TRIM65: variants seen among roughly 807,000 people sequenced by gnomAD.
TRIM65 encodes the protein E3 ubiquitin-protein ligase TRIM65.
Under a neutral mutation model 36.1 loss-of-function variants are expected in TRIM65, and 46 were observed. The ratio of observed to expected loss-of-function variants is 1.27; its 90% confidence interval spans 1.01 to 1.63. The LOEUF is 1.63. Among genes scored for constraint, TRIM65 ranks in the 40% most tolerant of loss-of-function variants. The pLI, the probability that TRIM65 is intolerant of heterozygous loss-of-function variation, is 0.00. For missense variants in TRIM65, 708 were observed against 696.6 expected, an observed-to-expected ratio of 1.02 and a Z score of -0.18; for synonymous variants, 346 against 313.6, an observed-to-expected ratio of 1.10 and a Z score of -1.09.
chr17:75,880,868 C>T lies in TRIM65; in HGVS notation c.350-239G>A, dbSNP rs543651343. The stretch of plus-strand genomic sequence containing the variant: ...TCTAGGCTTGGGGGGTGGGAAAATA[C>T]CCTCAGGTCCCCTGAGACCAGACTA... On this transcript the variant is annotated intron_variant, in intron 4 of 4. Transcript: ENST00000591668. 3.1e-4 allele frequency among the ~76,000 whole-genome samples: 46 copies of T among 150,528 alleles called. 3 individuals are homozygous for T. The highest frequency in any genetic ancestry group is 1.2e-3 in the African/African-American group (46 of 39,954).
chr17:75,886,122 C>T (rs767157093), downstream of TRIM65, among the ~76,000 whole-genome samples: 2 of 152,202 alleles, frequency 1.3e-5, no homozygotes, highest in East Asian at 1.9e-4. Context: ...CGCCTGCACA[C>T]GCTTTCCTTG....
chr17:75,887,391 G>T (rs535344489), downstream of TRIM65, among the ~76,000 whole-genome samples: 12 of 152,070 alleles, frequency 7.9e-5, no homozygotes, highest in South Asian at 2.5e-3. Flanking sequence ...GGCTGAGGCA[G>T]GAGAATCACT....
At chr17:75,896,449 G>C in intron 1 of TRIM65, 75 bp downstream of exon 1, 1 of 1,265,184 alleles carries the variant, frequency 7.9e-7, no homozygotes, top group East Asian at 3.3e-5. Flanking sequence ...AGCAGGGCGC[G>C]GCCCGCAGGA....
At position 75,895,455 on chromosome 17, in the gene TRIM65, C is replaced by A. The variant is rs1355117427; in HGVS notation, c.414+1069G>T. On this transcript the variant is annotated intron_variant, in intron 1 of 5. Coordinates refer to ENST00000269383, the MANE Select transcript of TRIM65 (RefSeq NM_173547.4). The stretch of plus-strand genomic sequence containing the variant: ...GAGCCAGACTCCCCCAGGACCCTGC[C>A]CGATCCTGCCCCTGCTGACCCCCAG... 2.0e-5 allele frequency among the ~76,000 whole-genome samples: 3 copies of A among 152,270 alleles called. 1 individual carries two copies. In the South Asian group the frequency reaches 6.2e-4, roughly 32 times the overall value.
intron 5 of TRIM65, 146 bp downstream of exon 5, chr17:75,891,667 G>A: frequency 9.2e-7 from 1 of 1,088,458 alleles, no homozygotes; most frequent in Admixed American, 2.3e-5. Flanking sequence ...ACCAGGCTCA[G>A]ATGTCCCGGC....
chr17:75,883,558 C>T (rs934046000), intron 4 of TRIM65, among the ~76,000 whole-genome samples: 4 of 107,638 alleles, frequency 3.7e-5, no homozygotes, highest in African/African-American at 7.4e-5. Context: ...GACGGAGTCT[C>T]GCTCTGTCGC....
intron 1 of TRIM65, 38 bp downstream of exon 1, chr17:75,896,486 C>T: frequency 1.5e-6 from 2 of 1,291,774 alleles, no homozygotes; most frequent in Non-Finnish European, 2.0e-6. Flanking sequence ...CAGGCTGCGG[C>T]GGGTCCGGAC....
downstream of TRIM65, among the ~76,000 whole-genome samples, chr17:75,887,567 A>G (rs986434237): frequency 2.6e-5 from 4 of 151,500 alleles, no homozygotes; most frequent in Non-Finnish European, 5.9e-5. Context: ...GAATGGCATG[A>G]ACCCAGGAGG....
At position 75,890,768 on chromosome 17, in the gene TRIM65, C is replaced by T. The variant is rs908672591; in HGVS notation, c.*11G>A. On this transcript the variant is annotated 3_prime_UTR_variant, in exon 6 of 6. Transcript: ENST00000269383. ...GTGGCAGCTATGCCAGGGCTCCATC[C>T]CATGCCTTCTTCAGCTGAGCACCTC... 2 of 1,457,420 alleles carry T rather than the reference C, an allele frequency of 1.4e-6. No individual in the cohort carries two copies. Among genetic ancestry groups the T allele is most frequent in the East Asian group, 2.5e-5 (1 of 39,780 alleles). 90.3% of individuals were successfully genotyped at this position (1,457,420 alleles called of 1,614,324 possible). A position where few individuals can be genotyped will look rare whatever the true frequency, so the allele number is the denominator to read the frequency against.
chr17:75,894,730 CATGTTAGCCAGG>C (rs1224028101), intron 1 of TRIM65, among the ~76,000 whole-genome samples: 1 of 152,232 alleles, frequency 6.6e-6, no homozygotes, highest in East Asian at 1.9e-4. Flanking sequence ...AGGGTTTCAC[CATGTTAGCCAGG>C]ATGGTCTCAA....
intron 1 of TRIM65, among the ~76,000 whole-genome samples, 170 bp from the exon 2 acceptor site, chr17:75,893,020 G>A (rs953375539): frequency 1.4e-4 from 22 of 152,208 alleles, no homozygotes; most frequent in Admixed American, 2.0e-4. Context: ...AGTTGGGGCC[G>A]TGCCCCGGGG....
rs756165761 is a variant in TRIM65, at chr17:75,891,082, G to A, written c.1251C>T (p.Gly417=). 2.2e-5 allele frequency: 36 copies of A among 1,611,038 alleles called. No individual in the cohort carries two copies. The highest frequency in any genetic ancestry group is 3.0e-5 in the Non-Finnish European group (35 of 1,179,852). The change falls in exon 6 of 6, where the codon GGC becomes GGT. Residue 417 remains glycine (G), a synonymous_variant. Coordinates refer to ENST00000269383, the MANE Select transcript of TRIM65 (RefSeq NM_173547.4). ...AGAGCCCCCAGGAGCAGGGTCCCCG[G>A]CCAATGTTGTCTGTGTGGGGCCCCA... ...CRLGPHTDNI[G]RGPCSWGLCV...
Position 75,892,114 on chromosome 17 carries a change from C to A in TRIM65, c.816G>T (p.Gln272His), listed in dbSNP as rs369039840. 78 of 1,560,670 alleles carry A rather than the reference C, an allele frequency of 5.0e-5. No individual in the cohort carries two copies. The Middle Eastern group carries it at 6.7e-4, about 13-fold the overall frequency. Residue 272 changes from glutamine (Q) to histidine (H), a missense_variant, in exon 4 of 6, where the codon CAG (glutamine) becomes CAT (histidine). Gln to His is a conservative substitution (Grantham distance 24). Transcript: ENST00000269383. The part of the protein sequence containing the change: ...LTPLQWDEDQ[Q>H]LGDLKQLLSR... ...TTAGCAACTGCTTCAGGTCACCCAG[C>A]TGTTGGTCTTCATCCCACTGCAGAG... is the stretch of plus-strand genomic sequence containing the variant.
intron 1 of TRIM65, among the ~76,000 whole-genome samples, chr17:75,896,280 C>A (rs931868572): frequency 6.6e-6 from 1 of 152,232 alleles, no homozygotes; most frequent in Admixed American, 6.5e-5. Context: ...TGGTCTCGAT[C>A]TCCTGACCTC....
Position 75,892,294 on chromosome 17 carries a change from C to T in TRIM65, c.717G>A (p.Glu239=). 1 of 1,612,504 alleles carries T rather than the reference C, an allele frequency of 6.2e-7. No homozygotes were observed. Among genetic ancestry groups the T allele is most frequent in the Non-Finnish European group, 8.5e-7 (1 of 1,179,750 alleles). ...RHGCRIRELL[E]QVDEQTFLQE... ...GCAGGAAGGTCTGCTCATCCACCTGCTCCAGGAGCTCCCGGATCCTGCAGC... is the reference window on the plus strand; with the variant it reads ...GCAGGAAGGTCTGCTCATCCACCTGTTCCAGGAGCTCCCGGATCCTGCAGC... Residue 239 remains glutamate (E), a synonymous_variant, in exon 3 of 6, where the codon GAG becomes GAA. Coordinates refer to ENST00000269383, the MANE Select transcript of TRIM65 (RefSeq NM_173547.4).
chr17:75,891,071 C>A lies in TRIM65; in HGVS notation c.1262G>T (p.Cys421Phe), dbSNP rs200457465. Residue 421 changes from cysteine (C) to phenylalanine (F), a missense_variant, in exon 6 of 6, where the codon TGC becomes TTC. Cys to Phe is a radical substitution (Grantham distance 205, BLOSUM62 -2). Transcript: ENST00000269383. ...PHTDNIGRGP[C>F]SWGLCVQEDS... ...CTCCTGGACGCAGAGCCCCCAGGAG[C>A]AGGGTCCCCGGCCAATGTTGTCTGT... is the stretch of plus-strand genomic sequence containing the variant. 2.8e-5 allele frequency: 45 copies of A among 1,611,924 alleles called. No individual in the cohort carries two copies. Among genetic ancestry groups the A allele is most frequent in the Non-Finnish European group, 3.8e-5 (45 of 1,179,850 alleles).
chr17:75,887,874 C>G (rs943795669), downstream of TRIM65, among the ~76,000 whole-genome samples: 2 of 151,332 alleles, frequency 1.3e-5, no homozygotes, highest in African/African-American at 4.9e-5. Context: ...ACAAAAATTA[C>G]GCCGGGCGTG....
downstream of TRIM65, among the ~76,000 whole-genome samples, chr17:75,884,374 G>C (rs1004490366): frequency 6.6e-6 from 1 of 151,994 alleles, no homozygotes; most frequent in African/African-American, 2.4e-5. Context: ...CAGGAGAATC[G>C]CTTGAACCCA....
intron 1 of TRIM65, among the ~76,000 whole-genome samples, chr17:75,895,058 A>G (rs879516197): frequency 3.3e-5 from 5 of 152,122 alleles, no homozygotes; most frequent in East Asian, 1.9e-4. Flanking sequence ...TGTGACCTCT[A>G]TATGTCCAAG....
Sources: gnomAD v4.1 joint callset for allele counts (sites outside exome capture counted in the v4.1 genomes callset) on GRCh38, gnomAD v4.1.1 for gene constraint, MANE v1.5 for transcripts, NCBI Gene and HGNC (gene_info 2026-07-23, HGNC 2026-07-21) for gene names.